Variants in TTC7B observed in about 807,000 individuals in gnomAD.
TTC7B encodes the protein tetratricopeptide repeat domain 7B.
A neutral mutation model predicts 106.8 loss-of-function variants in TTC7B; 28 were observed. That is an observed-to-expected ratio of 0.26 (90% CI 0.19 to 0.36). The LOEUF is 0.36. TTC7B is among the 10% of genes least tolerant of loss of function. The pLI is 1.00. For synonymous variants in TTC7B, 405 were observed against 430.6 expected, an observed-to-expected ratio of 0.94 and a Z score of 0.74; for missense variants, 862 against 1,076.4, an observed-to-expected ratio of 0.80 and a Z score of 2.79.
intron 14 of TTC7B, 25 bp downstream of exon 14, chr14:90,646,926 T>A: frequency 1.3e-6 from 2 of 1,599,942 alleles, no homozygotes; most frequent in Admixed American, 3.3e-5. Context: ...GTGCAGCAAG[T>A]ATAGGAAACA....
chr14:90,728,726 G>T (rs940547098), intron 5 of TTC7B, among the ~76,000 whole-genome samples: 9 of 152,136 alleles, frequency 5.9e-5, no homozygotes, highest in South Asian at 4.1e-4. Flanking sequence ...TCAACTGAAC[G>T]TATGGGTATG....
At chr14:90,801,100 C>T (rs1415505534) in intron 1 of TTC7B, among the ~76,000 whole-genome samples, 3 of 151,412 alleles carry the variant, frequency 2.0e-5, no homozygotes, top group Non-Finnish European at 4.4e-5. Context: ...TGGTGGACGC[C>T]TGTAGTCCAA....
rs1444341585 is a variant in TTC7B, at chr14:90,624,822, C to G, written c.1752-6777G>C. Among the ~76,000 whole-genome samples, 1 of 152,218 alleles carries G rather than the reference C, an allele frequency of 6.6e-6. No individual in the cohort carries two copies. Among genetic ancestry groups the G allele is most frequent in the Non-Finnish European group, 1.5e-5 (1 of 68,050 alleles). ...TGCTTTAGAGGTAACATCACGGGAACCTTGAACATTTCGTATCTTGTGCTG... is the reference window on the plus strand; with the variant it reads ...TGCTTTAGAGGTAACATCACGGGAAGCTTGAACATTTCGTATCTTGTGCTG... On this transcript the variant is annotated intron_variant, in intron 15 of 19. Coordinates refer to ENST00000328459, the MANE Select transcript of TTC7B (RefSeq NM_001010854.2). The surrounding 1 kb of genome is among the most constrained non-coding windows in gnomAD (Gnocchi z 4.0).
intron 16 of TTC7B, among the ~76,000 whole-genome samples, chr14:90,612,099 G>A (rs540095647): frequency 6.6e-6 from 1 of 152,122 alleles, no homozygotes; most frequent in South Asian, 2.1e-4. Flanking sequence ...CACGTCCAGC[G>A]ATTTCTCTAA....
chr14:90,684,043 A>C (rs1407306558), intron 7 of TTC7B, among the ~76,000 whole-genome samples: 4 of 152,020 alleles, frequency 2.6e-5, no homozygotes, highest in African/African-American at 9.7e-5. Context: ...TTTAAACAGC[A>C]TTCCCATCCT....
chr14:90,543,613 G>A (rs375993005), intron 19 of TTC7B, among the ~76,000 whole-genome samples: 4 of 152,204 alleles, frequency 2.6e-5, no homozygotes, highest in Non-Finnish European at 4.4e-5. Context: ...TACTATTTTC[G>A]ATGAATTTCA....
rs1370000614 is a variant in TTC7B at position 90,641,050 on chromosome 14, G to A, written c.1751+2998C>T. ...CTATTTTGGGGGTTCCCTGAAGAAAGAATTCCTGATTCTCACAAATCCCTA... is the reference window on the plus strand; with the variant it reads ...CTATTTTGGGGGTTCCCTGAAGAAAAAATTCCTGATTCTCACAAATCCCTA... On this transcript the variant is annotated intron_variant, in intron 15 of 19. Coordinates refer to ENST00000328459, the MANE Select transcript of TTC7B (RefSeq NM_001010854.2). Among the ~76,000 whole-genome samples, 8 of 152,254 alleles carry A rather than the reference G, an allele frequency of 5.3e-5. No individual in the cohort carries two copies. In the East Asian group the frequency reaches 1.5e-3, roughly 29 times the overall value.
intron 1 of TTC7B, among the ~76,000 whole-genome samples, chr14:90,801,871 G>A (rs917784847): frequency 3.9e-5 from 6 of 152,180 alleles, no homozygotes. Context: ...GACCAGCCTG[G>A]CCAACATGGT....
At chr14:90,545,787 G>C (rs969821782) in intron 19 of TTC7B, among the ~76,000 whole-genome samples, 1 of 152,338 alleles carries the variant, frequency 6.6e-6, no homozygotes, top group East Asian at 1.9e-4. Context: ...AAGTCCTGCA[G>C]AGAACCAACC....
At chr14:90,559,124 A>T (rs1890458690) in intron 19 of TTC7B, among the ~76,000 whole-genome samples, 1 of 152,226 alleles carries the variant, frequency 6.6e-6, no homozygotes, top group Middle Eastern at 3.2e-3. Flanking sequence ...GGGCACAGTG[A>T]TGTGACCGCT....
At chr14:90,542,527 C>T (rs1287513169) in intron 19 of TTC7B, among the ~76,000 whole-genome samples, 1 of 152,200 alleles carries the variant, frequency 6.6e-6, no homozygotes, top group Non-Finnish European at 1.5e-5. Context: ...ACCTCTCCCT[C>T]GGGGGAGAAA....
In TTC7B at chr14:90,808,871, C is replaced by T. The variant is rs893157081; in HGVS notation, c.121+7304G>A. Among the ~76,000 whole-genome samples the T allele has an allele frequency of 2.6e-5, 4 of 152,184 alleles. No homozygotes were observed. Among genetic ancestry groups the T allele is most frequent in the African/African-American group, 9.6e-5 (4 of 41,452 alleles). On this transcript the variant is annotated intron_variant, in intron 1 of 19. Coordinates refer to ENST00000328459, the MANE Select transcript of TTC7B (RefSeq NM_001010854.2). The surrounding 1 kb of genome is among the most constrained non-coding windows in gnomAD (Gnocchi z 4.2). ...GAATAAGAACCAAAGGCCATTCCTG[C>T]GTGCCCAGGGCACAGCTGGCCGGGC...
chr14:90,550,956 G>A (rs907272798), intron 19 of TTC7B, among the ~76,000 whole-genome samples: 1 of 152,194 alleles, frequency 6.6e-6, no homozygotes, highest in South Asian at 2.1e-4. Flanking sequence ...TCCTTACAGA[G>A]CATTAGCATG....
At chr14:90,743,476 G>T (rs1319983471) in intron 4 of TTC7B, among the ~76,000 whole-genome samples, 1 of 152,100 alleles carries the variant, frequency 6.6e-6, no homozygotes, top group Non-Finnish European at 1.5e-5. Context: ...CCAGAAAATT[G>T]CTGGAAAACA....
chr14:90,601,129 GA>G (rs1479797812), intron 17 of TTC7B, among the ~76,000 whole-genome samples: 1 of 152,018 alleles, frequency 6.6e-6, no homozygotes, highest in Non-Finnish European at 1.5e-5. Flanking sequence ...TAATTAAGGA[GA>G]ATTATATTAA....
chr14:90,701,271 A>T (rs1384118896), intron 5 of TTC7B, among the ~76,000 whole-genome samples: 1 of 152,192 alleles, frequency 6.6e-6, no homozygotes, highest in Admixed American at 6.5e-5. Context: ...TACCTCAGCA[A>T]TTGAGGCTTC....
chr14:90,595,509 C>A (rs1892166630), intron 17 of TTC7B, among the ~76,000 whole-genome samples: 1 of 152,106 alleles, frequency 6.6e-6, no homozygotes, highest in African/African-American at 2.4e-5. Flanking sequence ...GTCAAAATTT[C>A]TTATTTGTCA....
At position 90,525,986 on chromosome 14, in the gene TTC7B, A is replaced by G. The variant is rs535537312; in HGVS notation, c.*15382T>C. On this transcript the variant is annotated 3_prime_UTR_variant, in exon 20 of 20. Transcript: ENST00000328459. ...AAATAAAAAAAAATAAAAAAAATAA[A>G]AAAAAAAAAGAAGTCTTTGTATTTT... The G allele has an allele frequency of 7.0e-6, 1 of 143,074 alleles. No individual in the cohort carries two copies. Among genetic ancestry groups the G allele is most frequent in the Admixed American group, 6.8e-5 (1 of 14,712 alleles). The allele number at this position is 143,074 out of a possible 1,614,324, so 8.9% of individuals were successfully genotyped here. A position where few individuals can be genotyped will look rare whatever the true frequency, so the allele number is the denominator to read the frequency against.
chr14:90,597,206 A>G (rs997702504), intron 17 of TTC7B, among the ~76,000 whole-genome samples: 17 of 152,244 alleles, frequency 1.1e-4, no homozygotes, highest in African/African-American at 3.4e-4. Context: ...GCACTCACAT[A>G]ATAATAGCAC....
Sources: allele counts gnomAD v4.1 joint callset (sites outside exome capture counted in the v4.1 genomes callset), GRCh38; gene constraint gnomAD v4.1.1; non-coding constraint Gnocchi (gnomAD v3.1); transcripts MANE v1.5; gene names NCBI Gene and HGNC (gene_info 2026-07-23, HGNC 2026-07-21).